The following NKAIN3 variants were observed in gnomAD, a reference collection of about 807,000 sequenced individuals.
NKAIN3 encodes sodium/potassium transporting ATPase interacting 3.
In NKAIN3, 25 loss-of-function variants were observed where a neutral mutation model predicts 30.2. The observed-to-expected ratio is 0.83, with a 90% confidence interval of 0.60 to 1.16. The LOEUF is 1.16. Ranked by LOEUF, NKAIN3 falls within the 50% of genes most tolerant of loss-of-function variation. The pLI is 0.00. For synonymous variants in NKAIN3, 91 were observed against 89.6 expected (o/e 1.02, Z -0.09); for missense variants, 225 against 254.1 (o/e 0.89, Z 0.78).
chr8:62,612,349 C>T (rs1411669892), intron 3 of NKAIN3, among the ~76,000 whole-genome samples: 3 of 151,940 alleles, frequency 2.0e-5, no homozygotes, highest in Non-Finnish European at 4.4e-5. Context: ...GAAATGATCC[C>T]TTTGTCGTTA....
intron 4 of NKAIN3, among the ~76,000 whole-genome samples, chr8:62,810,650 T>G (rs1818458365): frequency 6.6e-6 from 1 of 151,426 alleles, no homozygotes; most frequent in South Asian, 2.1e-4. Flanking sequence ...TTTTTTTTTT[T>G]TTTTTGCTTT....
intron 1 of NKAIN3, among the ~76,000 whole-genome samples, chr8:62,570,114 A>C (rs1377718624): frequency 6.6e-6 from 1 of 152,168 alleles, no homozygotes; most frequent in Non-Finnish European, 1.5e-5. Flanking sequence ...ATGAGAGTAA[A>C]AGGCAGCTCA....
chr8:62,937,330 G>A (rs1025784262), intron 5 of NKAIN3, among the ~76,000 whole-genome samples: 14 of 152,144 alleles, frequency 9.2e-5, no homozygotes, highest in Non-Finnish European at 1.5e-4. Context: ...TGCGTACTCC[G>A]TGAAACAGCC....
downstream of NKAIN3, among the ~76,000 whole-genome samples, chr8:62,988,281 G>A (rs1824244542): frequency 6.6e-6 from 1 of 152,204 alleles, no homozygotes; most frequent in African/African-American, 2.4e-5. Flanking sequence ...CTGAAGGATG[G>A]TGACCCTCTT....
At chr8:62,715,203 A>C (rs1386181114) in intron 3 of NKAIN3, among the ~76,000 whole-genome samples, 2 of 152,200 alleles carry the variant, frequency 1.3e-5, no homozygotes, top group Non-Finnish European at 2.9e-5. Context: ...GTAACCTCCC[A>C]TGAAGACCCT....
Position 62,965,763 on chromosome 8 carries a change from T to G in NKAIN3, c.*356T>G, listed in dbSNP as rs1281716929. 28 of 984,868 alleles carry G rather than the reference T, an allele frequency of 2.8e-5. No individual in the cohort carries two copies. Among genetic ancestry groups the G allele is most frequent in the Non-Finnish European group, 3.4e-5 (28 of 829,588 alleles). The allele number at this position is 984,868 out of a possible 1,614,324, so 61.0% of individuals were successfully genotyped here. A position where few individuals can be genotyped will look rare whatever the true frequency, so the allele number is the denominator to read the frequency against. ...GAAATCTCAGTGTGTGCTGTGGAGA[T>G]GTTAAGTCAGCACTGCTGACTGTTG... On this transcript the variant is annotated 3_prime_UTR_variant, in exon 7 of 7. Coordinates refer to ENST00000623646, the MANE Select transcript of NKAIN3 (RefSeq NM_001304533.3).
Position 62,813,268 on chromosome 8 carries a change from C to T in NKAIN3, c.471+66139C>T, listed in dbSNP as rs148450950. On this transcript the variant is annotated intron_variant, in intron 4 of 6. Coordinates refer to ENST00000623646, the MANE Select transcript of NKAIN3 (RefSeq NM_001304533.3). ...TTATAGCTTTGTAGTATATTTTGAACTCTGTTAATATAACGCCTGCAACAT... is the reference window on the plus strand; with the variant it reads ...TTATAGCTTTGTAGTATATTTTGAATTCTGTTAATATAACGCCTGCAACAT... Among the ~76,000 whole-genome samples, 41 of 151,996 alleles carry T rather than the reference C, an allele frequency of 2.7e-4. No individual in the cohort carries two copies. In the East Asian group the frequency reaches 7.9e-3, roughly 29 times the overall value.
At chr8:62,303,803 C>T (rs1814133379) in intron 1 of NKAIN3, among the ~76,000 whole-genome samples, 1 of 150,522 alleles carries the variant, frequency 6.6e-6, no homozygotes, top group Admixed American at 6.6e-5. Flanking sequence ...AAACTCATAA[C>T]CTAATGTCTT....
intron 4 of NKAIN3, among the ~76,000 whole-genome samples, chr8:62,749,970 C>T (rs1399999431): frequency 6.6e-6 from 1 of 151,978 alleles, no homozygotes; most frequent in Non-Finnish European, 1.5e-5. Flanking sequence ...GTGTGAGCCA[C>T]CAAGCCTGGC....
intron 4 of NKAIN3, among the ~76,000 whole-genome samples, chr8:62,765,257 AAAAAAAAAAG>A (rs1341521592): frequency 3.4e-5 from 5 of 148,188 alleles, no homozygotes; most frequent in Admixed American, 6.9e-5. Flanking sequence ...AAAAAAAAAA[AAAAAAAAAAG>A]AAAAGAAAAG....
chr8:62,281,248 A>G (rs1165186136), intron 1 of NKAIN3, among the ~76,000 whole-genome samples: 2 of 151,864 alleles, frequency 1.3e-5, no homozygotes, highest in Non-Finnish European at 2.9e-5. Flanking sequence ...TATTGCATCT[A>G]TTTGATTCTT....
At chr8:62,253,558 C>G (rs1317717461) in intron 1 of NKAIN3, among the ~76,000 whole-genome samples, 3 of 152,132 alleles carry the variant, frequency 2.0e-5, no homozygotes. Flanking sequence ...GACAGAGTGA[C>G]ACTCTCTATC....
intron 5 of NKAIN3, among the ~76,000 whole-genome samples, chr8:62,943,057 T>C (rs2353391): frequency 0.5 from 76,270 of 151,836 alleles, 19,659 homozygotes; most frequent in African/African-American, 0.62. Flanking sequence ...AACTAAAAAG[T>C]TTCTTCACAG....
intron 5 of NKAIN3, chr8:62,990,072 T>C (rs1198758606): frequency 4.6e-6 from 3 of 647,526 alleles, no homozygotes; most frequent in South Asian, 2.1e-5. Context: ...TGACTTTTAT[T>C]ACACTTAATT....
chr8:62,505,216 T>A (rs1239504899), intron 1 of NKAIN3, among the ~76,000 whole-genome samples: 1 of 152,214 alleles, frequency 6.6e-6, no homozygotes, highest in African/African-American at 2.4e-5. Context: ...TCAGTTAAGA[T>A]TTGGTTATTA....
intron 3 of NKAIN3, among the ~76,000 whole-genome samples, chr8:62,618,737 C>T (rs1314995490): frequency 2.0e-5 from 3 of 152,054 alleles, no homozygotes; most frequent in Non-Finnish European, 4.4e-5. Flanking sequence ...GAAAACCTGT[C>T]TCTCCTAAAA....
At chr8:62,869,956 G>C (rs995573465) in intron 4 of NKAIN3, among the ~76,000 whole-genome samples, 2 of 151,726 alleles carry the variant, frequency 1.3e-5, no homozygotes, top group Non-Finnish European at 2.9e-5. Flanking sequence ...ATTTTTAGTA[G>C]AGACGGGGTT....
chr8:62,729,480 AC>A (rs1195603745), intron 3 of NKAIN3, among the ~76,000 whole-genome samples: 1 of 152,158 alleles, frequency 6.6e-6, no homozygotes, highest in East Asian at 1.9e-4. Flanking sequence ...AAAAAACTAA[AC>A]GTACTCTTAC....
chr8:62,583,441 T>A (rs913783317), intron 2 of NKAIN3, among the ~76,000 whole-genome samples: 1 of 152,166 alleles, frequency 6.6e-6, no homozygotes, highest in African/African-American at 2.4e-5. Flanking sequence ...TTATTCAGGA[T>A]CCTCTCTCAG....
Sources: gnomAD v4.1 joint callset for allele counts (sites outside exome capture counted in the v4.1 genomes callset) on GRCh38, gnomAD v4.1.1 for gene constraint, MANE v1.5 for transcripts, NCBI Gene and HGNC (gene_info 2026-07-23, HGNC 2026-07-21) for gene names.